CNTNAP4: variants seen among roughly 807,000 people sequenced by gnomAD.
CNTNAP4 encodes contactin-associated protein-like 4.
Under a neutral mutation model 148.4 loss-of-function variants are expected in CNTNAP4, and 98 were observed. The observed-to-expected ratio is 0.66, with a 90% CI of 0.56 to 0.78. The LOEUF (loss-of-function observed/expected upper bound fraction) is 0.78, where lower values mean the gene tolerates loss of function less well. CNTNAP4 is among the 30% of genes least tolerant of loss of function. CNTNAP4 has a pLI of 0.00. For synonymous variants in CNTNAP4, 730 were observed against 565.1 expected, an observed-to-expected ratio of 1.29 and a Z score of -4.14; for missense variants, 1,935 against 1,565.6, an observed-to-expected ratio of 1.24 and a Z score of -3.98.
intron 4 of CNTNAP4, among the ~76,000 whole-genome samples, chr16:76,445,450 G>C (rs1365429770): frequency 6.6e-6 from 1 of 152,120 alleles, no homozygotes; most frequent in Non-Finnish European, 1.5e-5. Context: ...GTCAAATAAA[G>C]TTTTATTGAA....
intron 1 of CNTNAP4, 43 bp downstream of exon 1, chr16:76,277,790 C>A: frequency 8.2e-7 from 1 of 1,219,130 alleles, no homozygotes; most frequent in Non-Finnish European, 1.2e-6. Context: ...GGGGGGCTCT[C>A]TGCAAAACTT....
At chr16:76,445,720 A>G (rs1480883392) in intron 4 of CNTNAP4, among the ~76,000 whole-genome samples, 1 of 152,198 alleles carries the variant, frequency 6.6e-6, no homozygotes, top group African/African-American at 2.4e-5. Flanking sequence ...AGCTAAAGTA[A>G]CACAAGCTAA....
chr16:76,524,299 A>T (rs2083617195), intron 17 of CNTNAP4, among the ~76,000 whole-genome samples: 1 of 152,202 alleles, frequency 6.6e-6, no homozygotes, highest in African/African-American at 2.4e-5. Flanking sequence ...TTTTAATAAC[A>T]CGCTAGAAGC....
intron 12 of CNTNAP4, among the ~76,000 whole-genome samples, chr16:76,488,423 T>C (rs1053545637): frequency 2.0e-5 from 3 of 152,120 alleles, no homozygotes; most frequent in African/African-American, 7.2e-5. Context: ...AATCCACACA[T>C]GGAAGGCAAT....
intron 1 of CNTNAP4, among the ~76,000 whole-genome samples, chr16:76,284,033 C>G (rs1021810418): frequency 6.6e-6 from 1 of 151,968 alleles, no homozygotes; most frequent in Non-Finnish European, 1.5e-5. Flanking sequence ...GTCTTCCATG[C>G]TCTAGTGTTT....
At chr16:76,526,980 G>C (rs998635378) in intron 17 of CNTNAP4, among the ~76,000 whole-genome samples, 1 of 152,088 alleles carries the variant, frequency 6.6e-6, no homozygotes, top group Non-Finnish European at 1.5e-5. Context: ...GCCTAGCTTT[G>C]AATTTCACTT....
At chr16:76,421,356 A>G (rs2079181697) in intron 3 of CNTNAP4, among the ~76,000 whole-genome samples, 1 of 152,068 alleles carries the variant, frequency 6.6e-6, no homozygotes, top group Admixed American at 6.6e-5. Context: ...TCAAAACTTA[A>G]CATTCTAATT....
At chr16:76,499,493 C>T (rs925528073) in intron 15 of CNTNAP4, among the ~76,000 whole-genome samples, 7 of 151,744 alleles carry the variant, frequency 4.6e-5, no homozygotes, top group Admixed American at 3.3e-4. Context: ...TTTATTACAA[C>T]GCTGTTTATT....
chr16:76,304,016 G>C (rs1322547102), intron 1 of CNTNAP4, among the ~76,000 whole-genome samples: 1 of 152,032 alleles, frequency 6.6e-6, no homozygotes, highest in Non-Finnish European at 1.5e-5. Flanking sequence ...CTTTTATTCA[G>C]TTCCAACTTT....
chr16:76,554,201 C>T (rs768999420), intron 23 of CNTNAP4, among the ~76,000 whole-genome samples: 2 of 152,118 alleles, frequency 1.3e-5, no homozygotes, highest in Admixed American at 6.5e-5. Context: ...TTGAACATAG[C>T]CACAGGTAGT....
intron 21 of CNTNAP4, among the ~76,000 whole-genome samples, chr16:76,541,966 A>G (rs988060842): frequency 6.6e-6 from 1 of 152,356 alleles, no homozygotes; most frequent in South Asian, 2.1e-4. Context: ...TAAGACTGAC[A>G]TGTGTATCAT....
At chr16:76,449,951 G>T in intron 7 of CNTNAP4, 93 bp downstream of exon 7, 1 of 1,024,888 alleles carries the variant, frequency 9.8e-7, no homozygotes, top group East Asian at 2.8e-5. Flanking sequence ...TTGACATGGG[G>T]TTTTAGAGGT....
chr16:76,400,692 A>G (rs982793570), intron 3 of CNTNAP4, among the ~76,000 whole-genome samples: 1 of 152,180 alleles, frequency 6.6e-6, no homozygotes, highest in African/African-American at 2.4e-5. Context: ...TAAATATTTA[A>G]CGCATATTGA....
chr16:76,321,958 G>T (rs1196788663), intron 2 of CNTNAP4, among the ~76,000 whole-genome samples: 1 of 152,122 alleles, frequency 6.6e-6, no homozygotes, highest in Non-Finnish European at 1.5e-5. Context: ...CAACTGGTAT[G>T]AGTCTGAAAT....
intron 18 of CNTNAP4, 44 bp from the exon 19 acceptor site, chr16:76,538,072 G>C: frequency 2.3e-6 from 2 of 876,432 alleles, no homozygotes. Context: ...CAAAATCCTT[G>C]TACTTAAAAT....
At position 76,461,942 on chromosome 16, in the gene CNTNAP4, T is replaced by TA; in HGVS notation, c.1334-14_1334-13insA. On this transcript the variant is annotated splice_polypyrimidine_tract_variant and intron_variant, in intron 8 of 23. Coordinates refer to ENST00000611870, the MANE Select transcript of CNTNAP4 (RefSeq NM_033401.5). Reference sequence around the variant, plus strand: ...ACTATTGAGAGCGATCTCTAACTGATTTCATCTCCCTAGGTGTCGAATTAA... The same window carrying TA: ...ACTATTGAGAGCGATCTCTAACTGATATTCATCTCCCTAGGTGTCGAATTAA... The TA allele has an allele frequency of 6.2e-7, 1 of 1,612,834 alleles. No individual in the cohort carries two copies. The highest frequency in any genetic ancestry group is 8.5e-7 in the Non-Finnish European group (1 of 1,179,008).
intron 3 of CNTNAP4, among the ~76,000 whole-genome samples, chr16:76,399,880 T>C (rs1195909517): frequency 6.6e-6 from 1 of 152,208 alleles, no homozygotes; most frequent in Non-Finnish European, 1.5e-5. Flanking sequence ...TCTGCATAAG[T>C]CATTTTAATT....
chr16:76,363,590 A>G (rs529962545), intron 3 of CNTNAP4, among the ~76,000 whole-genome samples: 1 of 152,242 alleles, frequency 6.6e-6, no homozygotes. Context: ...TTGGTAATGC[A>G]TAAATATTTT....
intron 17 of CNTNAP4, 27 bp from the exon 18 acceptor site, chr16:76,535,518 T>A: frequency 6.2e-7 from 1 of 1,608,988 alleles, no homozygotes; most frequent in Non-Finnish European, 8.5e-7. Flanking sequence ...TAGGAACATG[T>A]TTCCATTTGC....
Sources: gnomAD v4.1 joint callset for allele counts (sites outside exome capture counted in the v4.1 genomes callset) on GRCh38, gnomAD v4.1.1 for gene constraint, MANE v1.5 for transcripts, NCBI Gene and HGNC (gene_info 2026-07-23, HGNC 2026-07-21) for gene names.